The following TPH1 variants were observed in gnomAD, a reference collection of about 807,000 sequenced individuals.
TPH1 encodes the protein tryptophan hydroxylase 1, also known as tryptophan 5-hydroxylase 1.
In TPH1, 37 loss-of-function variants were observed where a neutral mutation model predicts 49.5. That is an observed-to-expected ratio of 0.75 (90% CI 0.58 to 0.98). The LOEUF (loss-of-function observed/expected upper bound fraction) is 0.98, where lower values mean the gene tolerates loss of function less well. Among genes scored for constraint, TPH1 ranks in the 50% least tolerant of loss-of-function variants. The pLI is 0.00. For synonymous variants in TPH1, 160 were observed against 182.1 expected, an observed-to-expected ratio of 0.88 and a Z score of 0.98; for missense variants, 487 against 523.6, an observed-to-expected ratio of 0.93 and a Z score of 0.68.
At position 18,018,953 on chromosome 11, in the gene TPH1, T is replaced by C. The variant is rs974530819; in HGVS notation, c.*2038A>G. Reference sequence around the variant, plus strand: ...TTGCTTTTTTTAATTTCTTTTTTTCTACATGTTCTAAGATTTGCTATCTAT... The same window carrying C: ...TTGCTTTTTTTAATTTCTTTTTTTCCACATGTTCTAAGATTTGCTATCTAT... On this transcript the variant is annotated 3_prime_UTR_variant, in exon 11 of 11. Coordinates refer to ENST00000682019, the MANE Select transcript of TPH1 (RefSeq NM_004179.3). 6.6e-6 allele frequency: 1 copy of C among 152,158 alleles called. No individual in the cohort carries two copies. The highest frequency in any genetic ancestry group is 1.5e-5 in the Non-Finnish European group (1 of 68,028). The allele number at this position is 152,158 out of a possible 1,614,324, so 9.4% of individuals were successfully genotyped here.
At position 18,027,346 on chromosome 11, in the gene TPH1, C is replaced by T. The variant is rs575411238; in HGVS notation, c.668-721G>A. 5.3e-5 allele frequency among the ~76,000 whole-genome samples: 8 copies of T among 152,254 alleles called. No homozygotes were observed. In the South Asian group the frequency reaches 6.2e-4, roughly 12 times the overall value. ...ATTCTGATGGGCAGACTGCACTGTCCGGTAAAAATTTCCATAGTGATAGAA... is the reference window on the plus strand; with the variant it reads ...ATTCTGATGGGCAGACTGCACTGTCTGGTAAAAATTTCCATAGTGATAGAA... On this transcript the variant is annotated intron_variant, in intron 6 of 10. Transcript: ENST00000682019.
intron 8 of TPH1, 105 bp from the exon 9 acceptor site, chr11:18,024,088 A>G (rs1854394445): frequency 3.6e-6 from 3 of 823,150 alleles, no homozygotes; most frequent in African/African-American, 3.4e-5. Flanking sequence ...AAAGTCCAAA[A>G]TCCCAGTCTA....
intron 7 of TPH1, among the ~76,000 whole-genome samples, chr11:18,025,963 C>A (rs751048636): frequency 2.6e-5 from 4 of 151,990 alleles, no homozygotes; most frequent in Non-Finnish European, 5.9e-5. Context: ...AACACCCAAC[C>A]CCACCACATA....
intron 4 of TPH1, among the ~76,000 whole-genome samples, chr11:18,030,239 T>A (rs1009223973): frequency 3.6e-5 from 5 of 137,912 alleles, no homozygotes; most frequent in Non-Finnish European, 6.5e-5. Flanking sequence ...GGAGACCCTG[T>A]CTGTACAAAA....
intron 2 of TPH1, among the ~76,000 whole-genome samples, chr11:18,039,866 T>G (rs906887202): frequency 4.6e-5 from 7 of 152,118 alleles, no homozygotes; most frequent in African/African-American, 9.7e-5. Flanking sequence ...GTCAAAAATA[T>G]GAACATTTTA....
In TPH1 at chr11:18,018,635, C is replaced by G. The variant is rs1854321512; in HGVS notation, c.*2356G>C. The G allele has an allele frequency of 7.7e-6, 1 of 129,736 alleles. No homozygotes were observed. The highest frequency in any genetic ancestry group is 2.4e-4 in the South Asian group (1 of 4,158). The allele number at this position is 129,736 out of a possible 1,614,324, so 8.0% of individuals were successfully genotyped here. A position where few individuals can be genotyped will look rare whatever the true frequency, so the allele number is the denominator to read the frequency against. ...GAGCCAAGATCGCACCACTGCACTC[C>G]AGCCTGGGCGACAGAGCAAGACTCC... On this transcript the variant is annotated 3_prime_UTR_variant, in exon 11 of 11. Coordinates refer to ENST00000682019, the MANE Select transcript of TPH1 (RefSeq NM_004179.3).
At chr11:18,029,623 A>C in intron 4 of TPH1, 44 bp from the exon 5 acceptor site, 1 of 1,479,790 alleles carries the variant, frequency 6.8e-7, no homozygotes, top group Non-Finnish European at 9.4e-7. Flanking sequence ...ACTAAAAAAT[A>C]CTTGACAAAT....
chr11:18,019,311 T>C lies in TPH1; in HGVS notation c.*1680A>G, dbSNP rs965664528. ...AAGAAAAAGCCTATTTTTAAGTAGC[T>C]GACTAAACCTAAAAATGATTGAAAA... On this transcript the variant is annotated 3_prime_UTR_variant, in exon 11 of 11. Transcript: ENST00000682019. The C allele has an allele frequency of 6.1e-6, 1 of 163,296 alleles. No individual in the cohort carries two copies. Among genetic ancestry groups the C allele is most frequent in the Non-Finnish European group, 1.3e-5 (1 of 75,160 alleles). The allele number at this position is 163,296 out of a possible 1,614,324, so 10.1% of individuals were successfully genotyped here.
chr11:18,039,893 T>G (rs1432806478), intron 2 of TPH1, among the ~76,000 whole-genome samples: 1 of 152,038 alleles, frequency 6.6e-6, no homozygotes, highest in Admixed American at 6.6e-5. Flanking sequence ...ATAATACATA[T>G]TACCAGATAG....
chr11:18,036,935 A>G (rs544329061), intron 2 of TPH1, among the ~76,000 whole-genome samples: 9 of 152,382 alleles, frequency 5.9e-5, no homozygotes, highest in African/African-American at 2.2e-4. Context: ...GTTGGTGAAC[A>G]CATGGAAGAT....
chr11:18,043,021 C>T (rs1302976055), intron 1 of TPH1, among the ~76,000 whole-genome samples: 1 of 152,046 alleles, frequency 6.6e-6, no homozygotes, highest in Non-Finnish European at 1.5e-5. Context: ...ACAAAGACCC[C>T]AAAGTAAAAT....
chr11:18,043,914 T>C (rs988591064), intron 1 of TPH1, among the ~76,000 whole-genome samples: 5 of 151,926 alleles, frequency 3.3e-5, no homozygotes. Context: ...AACTGGTCCC[T>C]AAGCTTTCCT....
At chr11:18,022,755 C>A (rs1328435017) in intron 10 of TPH1, 43 bp downstream of exon 10, 2 of 1,608,416 alleles carry the variant, frequency 1.2e-6, no homozygotes, top group Non-Finnish European at 1.7e-6. Context: ...TGGGGCTGAT[C>A]TTTCCCTGAA....
At position 18,020,917 on chromosome 11, in the gene TPH1, G is replaced by T; in HGVS notation, c.*74C>A. On this transcript the variant is annotated 3_prime_UTR_variant, in exon 11 of 11. Coordinates refer to ENST00000682019, the MANE Select transcript of TPH1 (RefSeq NM_004179.3). The stretch of plus-strand genomic sequence containing the variant: ...AGAAGATGCTGTCCCTCCAGGATCA[G>T]GTGTTCAAGGAAAGCAAGAGATGGC... The T allele has an allele frequency of 7.3e-7, 1 of 1,366,526 alleles. No individual in the cohort carries two copies. The highest frequency in any genetic ancestry group is 1.0e-6 in the Non-Finnish European group (1 of 955,050). 84.7% of individuals were successfully genotyped at this position (1,366,526 alleles called of 1,614,324 possible).
At chr11:18,033,056 C>A (rs991730077) in intron 4 of TPH1, among the ~76,000 whole-genome samples, 1 of 152,060 alleles carries the variant, frequency 6.6e-6, no homozygotes, top group Non-Finnish European at 1.5e-5. Context: ...AGTTTGAGAC[C>A]AGCCTGGCCA....
Position 18,029,354 on chromosome 11 carries a change from G to A in TPH1, c.478C>T (p.Pro160Ser), listed in dbSNP as rs753747942. The change falls in exon 6 of 11, where the codon CCC (proline) becomes TCC (serine). Residue 160 changes from proline (P) to serine (S), a missense_variant. Pro to Ser is a moderately conservative substitution (Grantham distance 74). Transcript: ENST00000682019. ...TCAGTGAATTCAACCTTTGGAATGG[G>A]GTCTCCACTAATGAGATAAAGGGAA... ...DLAMNYKHGD[P>S]IPKVEFTEEE... 9.9e-6 allele frequency: 16 copies of A among 1,613,464 alleles called. No homozygotes were observed. Among genetic ancestry groups the A allele is most frequent in the Middle Eastern group, 1.6e-4 (1 of 6,082 alleles).
intron 1 of TPH1, among the ~76,000 whole-genome samples, chr11:18,044,852 A>G (rs770599884): frequency 3.9e-5 from 6 of 152,190 alleles, no homozygotes; most frequent in Non-Finnish European, 7.4e-5. Context: ...ATACATAAGC[A>G]TTTTATTTTT....
intron 4 of TPH1, among the ~76,000 whole-genome samples, chr11:18,032,606 T>C (rs1411913327): frequency 3.5e-5 from 5 of 144,054 alleles, no homozygotes; most frequent in African/African-American, 1.3e-4. Context: ...AGTGCGGTCG[T>C]GTGATCTCGG....
intron 1 of TPH1, chr11:18,041,093 A>C (rs538217235): frequency 4.1e-5 from 10 of 246,846 alleles, no homozygotes; most frequent in African/African-American, 2.1e-4. Flanking sequence ...ATTGTAGCCT[A>C]AACTAGTCAG....
Sources: allele counts gnomAD v4.1 joint callset (sites outside exome capture counted in the v4.1 genomes callset), GRCh38; gene constraint gnomAD v4.1.1; transcripts MANE v1.5; gene names NCBI Gene and HGNC (gene_info 2026-07-23, HGNC 2026-07-21).